Variants in KIF13A observed in about 807,000 individuals in gnomAD.
KIF13A encodes the protein kinesin family member 13A, also known as kinesin-like protein KIF13A.
A neutral mutation model predicts 212.2 loss-of-function variants in KIF13A; 79 were observed. The observed-to-expected ratio is 0.37, with a 90% CI of 0.31 to 0.45. The LOEUF is 0.45. Ranked by LOEUF, KIF13A falls within the 20% of genes least tolerant of loss-of-function variation. KIF13A has a pLI of 1.00. For synonymous variants in KIF13A, 789 were observed against 808.6 expected (o/e 0.98, Z 0.41); for missense variants, 1,901 against 2,209.0 (o/e 0.86, Z 2.79).
chr6:17,929,822 G>A (rs551260388), intron 2 of KIF13A, among the ~76,000 whole-genome samples: 8 of 152,316 alleles, frequency 5.3e-5, no homozygotes, highest in South Asian at 2.1e-4. Context: ...GGTTATAGGC[G>A]TGAGCCACCA....
Position 17,809,926 on chromosome 6 carries a change from T to C in KIF13A, c.2001-996A>G, listed in dbSNP as rs1763289821. Among the ~76,000 whole-genome samples, 1 of 152,162 alleles carries C rather than the reference T, an allele frequency of 6.6e-6. No individual in the cohort carries two copies. Among genetic ancestry groups the C allele is most frequent in the Non-Finnish European group, 1.5e-5 (1 of 68,040 alleles). On this transcript the variant is annotated intron_variant, in intron 17 of 38. Coordinates refer to ENST00000259711, the MANE Select transcript of KIF13A (RefSeq NM_022113.6). The surrounding 1 kb of genome is among the most constrained non-coding windows in gnomAD (Gnocchi z 4.7). ...CGGATGCTAAGGTAAACAAAACAGT[T>C]TCTTAAAACCATATTACCAGCTGGG...
chr6:17,797,019 C>T (rs538016273), intron 22 of KIF13A, among the ~76,000 whole-genome samples, 199 bp from the exon 23 acceptor site: 1 of 152,024 alleles, frequency 6.6e-6, no homozygotes, highest in South Asian at 2.1e-4. Context: ...TAATTTAACT[C>T]AACCCGTTTC....
At chr6:17,775,187 C>G in intron 34 of KIF13A, 125 bp from the exon 35 acceptor site, 1 of 706,054 alleles carries the variant, frequency 1.4e-6, no homozygotes, top group Non-Finnish European at 2.3e-6. Context: ...CCTCTTTCTT[C>G]CCTCTCCAGG....
intron 2 of KIF13A, among the ~76,000 whole-genome samples, chr6:17,901,349 A>T (rs968173398): frequency 6.6e-6 from 1 of 152,166 alleles, no homozygotes. Context: ...TGTAAAAATA[A>T]AAAAATTCAT....
At position 17,892,054 on chromosome 6, in the gene KIF13A, G is replaced by GT. The variant is rs1429950040; in HGVS notation, c.159+6113dup. On this transcript the variant is annotated intron_variant, in intron 3 of 38. Transcript: ENST00000259711. This position sits in a 1 kb window ranked among gnomAD's most constrained non-coding sequence, Gnocchi z 4.7. ...TTTGTAAGGCAGAGTCGGCAAATTCGTATCACCTGCTAAGCATCCTATCAG... is the reference window on the plus strand; with the variant it reads ...TTTGTAAGGCAGAGTCGGCAAATTCGTTATCACCTGCTAAGCATCCTATCAG... Among the ~76,000 whole-genome samples, 1 of 151,992 alleles carries GT rather than the reference G, an allele frequency of 6.6e-6. No homozygotes were observed. The highest frequency in any genetic ancestry group is 1.5e-5 in the Non-Finnish European group (1 of 68,014).
At chr6:17,788,266 T>C (rs1319126163) in intron 26 of KIF13A, among the ~76,000 whole-genome samples, 1 of 152,214 alleles carries the variant, frequency 6.6e-6, no homozygotes, top group East Asian at 1.9e-4. Flanking sequence ...ACAAATGGAA[T>C]GGAAAATGAC....
intron 38 of KIF13A, among the ~76,000 whole-genome samples, chr6:17,766,219 GATTT>G (rs57491415): frequency 0.31 from 44,762 of 144,576 alleles, 7,376 homozygotes; most frequent in East Asian, 0.52. Flanking sequence ...TTATTTTTAA[GATTT>G]ATTTATTTAT....
intron 3 of KIF13A, among the ~76,000 whole-genome samples, chr6:17,878,699 CAGTA>C (rs1202546313): frequency 6.6e-6 from 1 of 152,184 alleles, no homozygotes; most frequent in Non-Finnish European, 1.5e-5. Context: ...GTCTACCTGT[CAGTA>C]AGAATTATTC....
chr6:17,977,948 T>C (rs1780729177), intron 2 of KIF13A, among the ~76,000 whole-genome samples: 2 of 152,242 alleles, frequency 1.3e-5, no homozygotes, highest in African/African-American at 4.8e-5. Context: ...TTAGAGTGTC[T>C]AACAATGCAA....
chr6:17,821,707 C>A, intron 16 of KIF13A: 1 of 1,467,414 alleles, frequency 6.8e-7, no homozygotes. Context: ...TTTGCCAAAG[C>A]ATGGAGCATG....
Position 17,764,496 on chromosome 6 carries a change from C to G in KIF13A, c.5032G>C (p.Gly1678Arg). The G allele has an allele frequency of 6.2e-7, 1 of 1,614,004 alleles. No homozygotes were observed. The highest frequency in any genetic ancestry group is 1.1e-5 in the South Asian group (1 of 91,088). Residue 1678 changes from glycine to arginine, a missense_variant, in exon 39 of 39, where the codon GGG becomes CGG. Gly to Arg is a moderately radical substitution (Grantham distance 125). This residue lies in a region of KIF13A where 687 missense variants were observed against 759.1 expected (regional missense o/e 0.90). Transcript: ENST00000259711. This position sits in a 1 kb window ranked among gnomAD's most constrained non-coding sequence, Gnocchi z 5.1. ...GGGATGCTCTGGGATGATGGGCTCC[C>G]TTTGGCTAAGGCACTGTTTTCCTTG... is the stretch of plus-strand genomic sequence containing the variant. ...PLKENSALAK[G>R]SPSSQSIPEK...
At chr6:17,807,575 G>A (rs886863555) in intron 18 of KIF13A, among the ~76,000 whole-genome samples, 2 of 145,052 alleles carry the variant, frequency 1.4e-5, no homozygotes, top group African/African-American at 4.9e-5. Flanking sequence ...ACTGAACATA[G>A]ACCCTTATCA....
chr6:17,913,018 T>C (rs1173425893), intron 2 of KIF13A, among the ~76,000 whole-genome samples: 1 of 151,306 alleles, frequency 6.6e-6, no homozygotes, highest in Non-Finnish European at 1.5e-5. Context: ...AACTCCTGGG[T>C]TCAAGTGATC....
At position 17,950,968 on chromosome 6, in the gene KIF13A, C is replaced by A. The variant is rs1007669872; in HGVS notation, c.146+36086G>T. ...TTAAAACTTTCTTAATTTTAAATTTCTTAAAATAATTTCTCAAATGAATAT... is the reference window on the plus strand; with the variant it reads ...TTAAAACTTTCTTAATTTTAAATTTATTAAAATAATTTCTCAAATGAATAT... On this transcript the variant is annotated intron_variant, in intron 2 of 38. Coordinates refer to ENST00000259711, the MANE Select transcript of KIF13A (RefSeq NM_022113.6). The A allele has an allele frequency of 3.1e-6, 3 of 971,430 alleles. No homozygotes were observed. The African/African-American group carries it at 5.3e-5, about 17-fold the overall frequency. The allele number at this position is 971,430 out of a possible 1,614,324, so 60.2% of individuals were successfully genotyped here. A position where few individuals can be genotyped will look rare whatever the true frequency, so the allele number is the denominator to read the frequency against.
At chr6:17,788,463 G>A (rs906515632) in intron 26 of KIF13A, among the ~76,000 whole-genome samples, 2 of 152,124 alleles carry the variant, frequency 1.3e-5, no homozygotes, top group African/African-American at 4.8e-5. Context: ...AAATCCCCTA[G>A]GCAGCCATTG....
In KIF13A at chr6:17,776,411, A is replaced by G. The variant is rs1252141258; in HGVS notation, c.4170+866T>C. On this transcript the variant is annotated intron_variant, in intron 34 of 38. Coordinates refer to ENST00000259711, the MANE Select transcript of KIF13A (RefSeq NM_022113.6). The surrounding 1 kb of genome is among the most constrained non-coding windows in gnomAD (Gnocchi z 4.6). ...TTTTTATTCTCATTTAGTTCTAAAT[A>G]CATCCTAATTTCCATCATAATTTCT... Among the ~76,000 whole-genome samples, 5 of 152,242 alleles carry G rather than the reference A, an allele frequency of 3.3e-5. No homozygotes were observed. Among genetic ancestry groups the G allele is most frequent in the African/African-American group, 9.6e-5 (4 of 41,468 alleles).
At chr6:17,986,565 G>A (rs942977507) in intron 2 of KIF13A, among the ~76,000 whole-genome samples, 3 of 152,182 alleles carry the variant, frequency 2.0e-5, no homozygotes, top group Admixed American at 2.0e-4. Context: ...AGTCTACATC[G>A]TACAAGACTT....
In KIF13A at chr6:17,837,973, C is replaced by G. The variant is rs548694399; in HGVS notation, c.831-390G>C. 1.5e-5 allele frequency among the ~76,000 whole-genome samples: 2 copies of G among 136,730 alleles called. No homozygotes were observed. Among genetic ancestry groups the G allele is most frequent in the East Asian group, 2.1e-4 (1 of 4,776 alleles). The allele number at this position is 136,730 out of a possible 152,430, so 89.7% of individuals were successfully genotyped here. A position where few individuals can be genotyped will look rare whatever the true frequency, so the allele number is the denominator to read the frequency against. On this transcript the variant is annotated intron_variant, in intron 9 of 38. Transcript: ENST00000259711. The surrounding 1 kb of genome is among the most constrained non-coding windows in gnomAD (Gnocchi z 5.4). ...TTCAAAAAAACAAAAACAAAGAAAC[C>G]CCAAAAAACCAAAATATCATAAAAA...
chr6:17,813,916 T>C (rs1763663956), intron 17 of KIF13A, among the ~76,000 whole-genome samples: 1 of 151,294 alleles, frequency 6.6e-6, no homozygotes, highest in African/African-American at 2.4e-5. Flanking sequence ...ACCTGGTACA[T>C]GGTATAAATG....
Sources: gnomAD v4.1 joint callset for allele counts (sites outside exome capture counted in the v4.1 genomes callset) on GRCh38, gnomAD v4.1.1 for gene constraint, gnomAD v4.1.1 regional missense constraint, Gnocchi (gnomAD v3.1) non-coding constraint, MANE v1.5 for transcripts, NCBI Gene and HGNC (gene_info 2026-07-23, HGNC 2026-07-21) for gene names.